The following DNAJC16 variants were observed in gnomAD, a reference collection of about 807,000 sequenced individuals.
DNAJC16 encodes dnaJ homolog subfamily C member 16.
Under a neutral mutation model 92.7 loss-of-function variants are expected in DNAJC16, and 76 were observed. The ratio of observed to expected loss-of-function variants is 0.82; its 90% CI spans 0.68 to 0.99. The LOEUF (loss-of-function observed/expected upper bound fraction) is 0.99, where lower values mean the gene tolerates loss of function less well. Among genes scored for constraint, DNAJC16 ranks in the 50% least tolerant of loss-of-function variants. DNAJC16 has a pLI of 0.00. For missense variants in DNAJC16, 869 were observed against 942.4 expected (o/e 0.92, Z 1.02); for synonymous variants, 328 against 358.7 (o/e 0.91, Z 0.97).
In DNAJC16 at chr1:15,554,136, A is replaced by C. The variant is rs559196448; in HGVS notation, c.1024-5390A>C. Among the ~76,000 whole-genome samples, 10 of 152,192 alleles carry C rather than the reference A, an allele frequency of 6.6e-5. No individual in the cohort carries two copies. In the South Asian group the frequency reaches 2.1e-3, roughly 32 times the overall value. On this transcript the variant is annotated intron_variant, in intron 7 of 14. Transcript: ENST00000375847. ...GAGAATTGCTTCAGCCCGGGAGGTC[A>C]AGGCTGCAGTGAGCTGTGTTCGTGC...
chr1:15,549,066 T>TA (rs1166021039), intron 7 of DNAJC16, among the ~76,000 whole-genome samples: 3 of 152,174 alleles, frequency 2.0e-5, no homozygotes, highest in African/African-American at 7.2e-5. Flanking sequence ...TAAGTTAAAA[T>TA]AGTACTGTTG....
chr1:15,558,903 T>C (rs1638628605), intron 7 of DNAJC16, among the ~76,000 whole-genome samples: 1 of 152,224 alleles, frequency 6.6e-6, no homozygotes, highest in African/African-American at 2.4e-5. Context: ...TCAAAATGAT[T>C]GACTTTTCGT....
rs1323903517 is a variant in DNAJC16, at chr1:15,570,312, A to G, written c.*2135A>G. 6.6e-6 allele frequency: 1 copy of G among 152,048 alleles called. No individual in the cohort carries two copies. The highest frequency in any genetic ancestry group is 1.5e-5 in the Non-Finnish European group (1 of 68,004). The allele number at this position is 152,048 out of a possible 1,614,324, so 9.4% of individuals were successfully genotyped here. On this transcript the variant is annotated 3_prime_UTR_variant, in exon 15 of 15. Coordinates refer to ENST00000375847, the MANE Select transcript of DNAJC16 (RefSeq NM_015291.4). ...GTTTGGTAGTAGGTTTTTATTTTTA[A>G]TTTCTGTACTAATGAAATTCCTGAC... is the stretch of plus-strand genomic sequence containing the variant.
chr1:15,567,165 G>A lies in DNAJC16; in HGVS notation c.1845G>A (p.Leu615=), dbSNP rs772713875. 4 of 1,613,962 alleles carry A rather than the reference G, an allele frequency of 2.5e-6. No homozygotes were observed. Among genetic ancestry groups the A allele is most frequent in the East Asian group, 4.5e-5 (2 of 44,902 alleles). ...CAGATGTAACATACACCAGTAACTT[G>A]GTACGTCTGAGGCCAGGCCACATGA... ...ELTDVTYTSN[L]VRLRPGHMNV... is the part of the protein sequence containing the mutation. The change falls in exon 14 of 15, where the codon TTG becomes TTA. Residue 615 remains leucine (L), a synonymous_variant. Coordinates refer to ENST00000375847, the MANE Select transcript of DNAJC16 (RefSeq NM_015291.4).
chr1:15,552,335 C>A (rs971175396), intron 7 of DNAJC16, among the ~76,000 whole-genome samples: 28 of 151,106 alleles, frequency 1.9e-4, no homozygotes, highest in Non-Finnish European at 3.4e-4. Context: ...AAAAAAAATA[C>A]AAAAATTAGC....
At chr1:15,539,057 T>G (rs1053814670) in intron 4 of DNAJC16, among the ~76,000 whole-genome samples, 22 of 152,138 alleles carry the variant, frequency 1.4e-4, no homozygotes, top group African/African-American at 5.1e-4. Flanking sequence ...TTAGGATTGC[T>G]TAGTGAGAGC....
chr1:15,564,819 G>A (rs1638773829), intron 11 of DNAJC16, among the ~76,000 whole-genome samples: 1 of 149,834 alleles, frequency 6.7e-6, no homozygotes, highest in African/African-American at 2.5e-5. Context: ...GTGAACCACT[G>A]CTCCCGGACA....
intron 1 of DNAJC16, among the ~76,000 whole-genome samples, chr1:15,527,974 G>C (rs892983422): frequency 2.6e-5 from 4 of 152,162 alleles, no homozygotes; most frequent in Admixed American, 2.6e-4. Flanking sequence ...AACCAGCCAG[G>C]ATTATTTCCA....
chr1:15,527,772 C>T (rs772534469), intron 1 of DNAJC16, among the ~76,000 whole-genome samples: 2 of 152,186 alleles, frequency 1.3e-5, no homozygotes, highest in Non-Finnish European at 1.5e-5. Flanking sequence ...CTTGCACTTA[C>T]GGAAATCCAC....
chr1:15,534,459 C>A (rs922273190), intron 3 of DNAJC16, among the ~76,000 whole-genome samples, 156 bp downstream of exon 3: 1 of 152,206 alleles, frequency 6.6e-6, no homozygotes, highest in African/African-American at 2.4e-5. Context: ...TGCGGTGGCT[C>A]ATGCCTGTAA....
chr1:15,565,823 G>A (rs1357878433), intron 11 of DNAJC16, 96 bp from the exon 12 acceptor site: 3 of 1,208,710 alleles, frequency 2.5e-6, no homozygotes, highest in Non-Finnish European at 3.6e-6. Context: ...GTTTATTGGT[G>A]TGAAGAGTTT....
intron 1 of DNAJC16, among the ~76,000 whole-genome samples, chr1:15,528,399 A>AC (rs1710572416): frequency 6.6e-6 from 1 of 151,800 alleles, no homozygotes; most frequent in Non-Finnish European, 1.5e-5. Flanking sequence ...CCATCATTGC[A>AC]CTCCAGCCTG....
intron 7 of DNAJC16, among the ~76,000 whole-genome samples, chr1:15,553,902 CTTG>C (rs775436608): frequency 6.6e-6 from 1 of 151,812 alleles, no homozygotes; most frequent in Non-Finnish European, 1.5e-5. Flanking sequence ...TATCTTCATT[CTTG>C]TTGTTGAAAA....
chr1:15,534,655 T>G (rs113471002), intron 3 of DNAJC16, among the ~76,000 whole-genome samples: 1,747 of 150,804 alleles, frequency 0.012, 40 homozygotes, highest in African/African-American at 0.039. Context: ...AACCCGGGAG[T>G]GGGAGGTTGC....
At position 15,562,311 on chromosome 1, in the gene DNAJC16, C is replaced by G. The variant is rs1213757635; in HGVS notation, c.1324C>G (p.Gln442Glu). The part of the protein sequence containing the change: ...DTLLPDSEAF[Q>E]GKSAVSILER... ...CTTACTACCAGACAGTGAGGCGTTT[C>G]AAGGGAAATCAGCGGTAAGCCACAG... Residue 442 changes from glutamine to glutamate, a missense_variant, in exon 9 of 15, where the codon CAA becomes GAA. Gln to Glu is a conservative substitution (Grantham distance 29). Transcript: ENST00000375847. 2 of 1,613,096 alleles carry G rather than the reference C, an allele frequency of 1.2e-6. No homozygotes were observed. Among genetic ancestry groups the G allele is most frequent in the East Asian group, 2.2e-5 (1 of 44,858 alleles).
intron 11 of DNAJC16, among the ~76,000 whole-genome samples, chr1:15,564,853 G>T (rs1240400576): frequency 2.1e-5 from 3 of 143,054 alleles, no homozygotes; most frequent in Admixed American, 7.1e-5. Flanking sequence ...ATTTTTTTTT[G>T]AGACAGAGTC....
At chr1:15,563,878 C>T in intron 9 of DNAJC16, 51 bp from the exon 10 acceptor site, 1 of 1,432,482 alleles carries the variant, frequency 7.0e-7, no homozygotes, top group South Asian at 1.3e-5. Flanking sequence ...ACAACTGTAA[C>T]TTAACCATGC....
chr1:15,566,214 G>T, intron 13 of DNAJC16, 34 bp downstream of exon 13: 1 of 1,548,372 alleles, frequency 6.5e-7, no homozygotes, highest in South Asian at 1.1e-5. Flanking sequence ...TCACCTCCCC[G>T]GCACCTGCCC....
intron 7 of DNAJC16, among the ~76,000 whole-genome samples, chr1:15,559,110 CTG>C (rs1472183271): frequency 6.6e-6 from 1 of 151,984 alleles, no homozygotes; most frequent in African/African-American, 2.4e-5. Context: ...TGGCTAATTT[CTG>C]TATTTTTAGC....
Sources: gnomAD v4.1 joint callset for allele counts (sites outside exome capture counted in the v4.1 genomes callset) on GRCh38, gnomAD v4.1.1 for gene constraint, MANE v1.5 for transcripts, NCBI Gene and HGNC (gene_info 2026-07-23, HGNC 2026-07-21) for gene names.